ZNF420: variants seen among roughly 807,000 people sequenced by gnomAD.
ZNF420 encodes the protein ATM and p53-associated KZNF protein.
ZNF420 carries 31 observed loss-of-function variants against 44.7 expected under a neutral mutation model. The observed-to-expected ratio is 0.69, with a 90% CI of 0.52 to 0.94. The LOEUF is 0.94. Among genes scored for constraint, ZNF420 ranks in the 40% least tolerant of loss-of-function variants. ZNF420 has a pLI of 0.00. For synonymous variants in ZNF420, 245 were observed against 267.4 expected (o/e 0.92, Z 0.82); for missense variants, 681 against 827.9 (o/e 0.82, Z 2.18).
At chr19:37,034,046 G>A (rs1327776884) in intron 1 of ZNF420, among the ~76,000 whole-genome samples, 6 of 151,446 alleles carry the variant, frequency 4.0e-5, no homozygotes, top group African/African-American at 7.3e-5. Context: ...TGAGCCATGC[G>A]CCCAGCCTAT....
At chr19:37,113,645 G>A (rs948659868) in intron 4 of ZNF420, among the ~76,000 whole-genome samples, 3 of 152,188 alleles carry the variant, frequency 2.0e-5, no homozygotes, top group African/African-American at 7.2e-5. Flanking sequence ...TGTATTGAAT[G>A]AGGGGCAGGC....
chr19:37,112,335 G>T (rs1054460776), intron 4 of ZNF420, among the ~76,000 whole-genome samples: 1 of 151,992 alleles, frequency 6.6e-6, no homozygotes, highest in African/African-American at 2.4e-5. Flanking sequence ...CCCCATTGTT[G>T]TAATAAATCT....
intron 2 of ZNF420, among the ~76,000 whole-genome samples, chr19:37,083,771 T>C (rs1339564051): frequency 6.6e-6 from 1 of 152,216 alleles, no homozygotes; most frequent in Non-Finnish European, 1.5e-5. Context: ...CACTTCTTTA[T>C]GGAGCCCTGG....
chr19:37,053,526 C>T (rs1041162065), intron 1 of ZNF420, among the ~76,000 whole-genome samples: 3 of 152,102 alleles, frequency 2.0e-5, no homozygotes, highest in Non-Finnish European at 2.9e-5. Context: ...GGTGACATAC[C>T]GATGGGGTTT....
chr19:37,018,734 A>T (rs1473094991), intron 1 of ZNF420, among the ~76,000 whole-genome samples: 2 of 151,908 alleles, frequency 1.3e-5, no homozygotes, highest in African/African-American at 4.8e-5. Flanking sequence ...TGCCCAGTGA[A>T]TTTTTTTATA....
intron 1 of ZNF420, chr19:37,024,871 C>T (rs950112641): frequency 1.9e-5 from 3 of 154,832 alleles, no homozygotes; most frequent in African/African-American, 7.2e-5. Flanking sequence ...CATGAGCCAC[C>T]ACACCCTGCC....
chr19:37,058,192 C>G (rs1413647026), intron 1 of ZNF420, among the ~76,000 whole-genome samples: 2 of 152,050 alleles, frequency 1.3e-5, no homozygotes, highest in Non-Finnish European at 2.9e-5. Context: ...AATTGTTTCT[C>G]TCTCCAAACC....
intron 1 of ZNF420, among the ~76,000 whole-genome samples, chr19:37,011,339 G>T (rs1036210006): frequency 6.6e-5 from 10 of 152,174 alleles, no homozygotes; most frequent in Non-Finnish European, 1.2e-4. Context: ...TCATGGGATG[G>T]CTGCGTGGCT....
At chr19:37,047,610 TCTAG>T (rs1967565082) in intron 1 of ZNF420, among the ~76,000 whole-genome samples, 1 of 152,260 alleles carries the variant, frequency 6.6e-6, no homozygotes, top group Non-Finnish European at 1.5e-5. Context: ...TTGTTGCCTG[TCTAG>T]CAGTGTGCCA....
intron 1 of ZNF420, among the ~76,000 whole-genome samples, chr19:37,070,463 C>T (rs1968040634): frequency 6.6e-6 from 1 of 152,052 alleles, no homozygotes; most frequent in Non-Finnish European, 1.5e-5. Context: ...GTTAAAAGAT[C>T]CCTATTGTAA....
intron 4 of ZNF420, among the ~76,000 whole-genome samples, chr19:37,119,178 GCAC>G (rs1240461954): frequency 6.6e-6 from 1 of 151,616 alleles, no homozygotes; most frequent in Non-Finnish European, 1.5e-5. Flanking sequence ...TTTTTTTTCA[GCAC>G]CACACCACAC....
At chr19:37,089,190 AT>A in intron 3 of ZNF420, 63 bp downstream of exon 3, 1 of 1,418,812 alleles carries the variant, frequency 7.0e-7, no homozygotes, top group Non-Finnish European at 1.0e-6. Context: ...GTGTGTTTGT[AT>A]TCCTTACTCC....
chr19:37,067,963 A>G (rs1298037115), intron 1 of ZNF420, among the ~76,000 whole-genome samples: 5 of 152,130 alleles, frequency 3.3e-5, no homozygotes, highest in African/African-American at 1.2e-4. Flanking sequence ...CTTAAAAGCT[A>G]TTGCTGTGGT....
At chr19:37,020,068 T>C (rs2146381356) in intron 1 of ZNF420, among the ~76,000 whole-genome samples, 1 of 151,918 alleles carries the variant, frequency 6.6e-6, no homozygotes, top group East Asian at 1.9e-4. Context: ...ATACAAAAAA[T>C]GAGCCGGGCA....
Position 37,091,252 on chromosome 19 carries a change from C to G in ZNF420, c.136+131C>G, listed in dbSNP as rs902844256. On this transcript the variant is annotated intron_variant, in intron 4 of 4. Transcript: ENST00000337995. ...TTTTCAAAGGAGGAGTTTGAAATTA[C>G]TGGAAGTAGACATGGTTTCTCAGGG... The G allele has an allele frequency of 3.1e-6, 3 of 965,714 alleles. No homozygotes were observed. The East Asian group carries it at 8.8e-5, about 28-fold the overall frequency. 59.8% of individuals were successfully genotyped at this position (965,714 alleles called of 1,614,324 possible). A position where few individuals can be genotyped will look rare whatever the true frequency, so the allele number is the denominator to read the frequency against.
chr19:37,103,295 T>C (rs1969883816), intron 4 of ZNF420, among the ~76,000 whole-genome samples: 1 of 151,986 alleles, frequency 6.6e-6, no homozygotes, highest in African/African-American at 2.4e-5. Flanking sequence ...TTTTTATAAT[T>C]TTTAGTTTTA....
At position 37,091,136 on chromosome 19, in the gene ZNF420, C is replaced by A. The variant is rs761998378; in HGVS notation, c.136+15C>A. On this transcript the variant is annotated intron_variant, in intron 4 of 4. Coordinates refer to ENST00000337995, the MANE Select transcript of ZNF420 (RefSeq NM_144689.5). ...GGTATCACTAGGTAAGGAATCTAGCCTTCATATTTCAGGATCTACCTTTGG... is the reference window on the plus strand; with the variant it reads ...GGTATCACTAGGTAAGGAATCTAGCATTCATATTTCAGGATCTACCTTTGG... 3.2e-6 allele frequency: 5 copies of A among 1,547,008 alleles called. No homozygotes were observed. In the Admixed American group the frequency reaches 1.0e-4, roughly 32 times the overall value.
chr19:37,095,720 T>A (rs113566733), intron 4 of ZNF420, among the ~76,000 whole-genome samples: 3,229 of 152,206 alleles, frequency 0.021, 73 homozygotes, highest in Middle Eastern at 0.054. Flanking sequence ...TACTTCAGCC[T>A]CCCCAGTAGC....
At chr19:37,050,093 G>C (rs1351850997) in intron 1 of ZNF420, among the ~76,000 whole-genome samples, 1 of 152,130 alleles carries the variant, frequency 6.6e-6, no homozygotes, top group Non-Finnish European at 1.5e-5. Flanking sequence ...TTTGGTACCA[G>C]TACCATGCTG....
Sources: gnomAD v4.1 joint callset for allele counts (sites outside exome capture counted in the v4.1 genomes callset) on GRCh38, gnomAD v4.1.1 for gene constraint, MANE v1.5 for transcripts, NCBI Gene and HGNC (gene_info 2026-07-23, HGNC 2026-07-21) for gene names.